Variants in GLCCI1 observed in about 807,000 individuals in gnomAD.
GLCCI1 encodes the protein glucocorticoid-induced transcript 1 protein.
Under a neutral mutation model 52.2 loss-of-function variants are expected in GLCCI1, and 24 were observed. The ratio of observed to expected loss-of-function variants is 0.46; its 90% CI spans 0.33 to 0.65. The LOEUF (loss-of-function observed/expected upper bound fraction) is 0.65, where lower values mean the gene tolerates loss of function less well. Among genes scored for constraint, GLCCI1 ranks in the 30% least tolerant of loss-of-function variants. The pLI is 0.02. For missense variants in GLCCI1, 704 were observed against 701.5 expected, an observed-to-expected ratio of 1.00 and a Z score of -0.04; for synonymous variants, 310 against 276.5, an observed-to-expected ratio of 1.12 and a Z score of -1.20.
chr7:8,050,830 A>G (rs956745523), intron 3 of GLCCI1, among the ~76,000 whole-genome samples: 2 of 152,202 alleles, frequency 1.3e-5, no homozygotes, highest in African/African-American at 4.8e-5. Context: ...ACTTTTAGCA[A>G]TATATTTTTT....
Position 8,037,254 on chromosome 7 carries a change from AAAAAG to A in GLCCI1, c.696+14690_696+14694del, listed in dbSNP as rs747156074. Among the ~76,000 whole-genome samples, 24 of 152,324 alleles carry A rather than the reference AAAAAG, an allele frequency of 1.6e-4. No individual in the cohort carries two copies. The South Asian group carries it at 1.7e-3, about 11-fold the overall frequency. The stretch of plus-strand genomic sequence containing the variant: ...TGCCTAATTTCAGACTTCTTAAAAG[AAAAAG>A]AAAACTGTCAGCCACGAATTTTGTA... On this transcript the variant is annotated intron_variant, in intron 3 of 7. Coordinates refer to ENST00000223145, the MANE Select transcript of GLCCI1 (RefSeq NM_138426.4).
chr7:7,998,111 T>C (rs1053472254), intron 1 of GLCCI1, among the ~76,000 whole-genome samples: 1 of 151,818 alleles, frequency 6.6e-6, no homozygotes, highest in Admixed American at 6.6e-5. Context: ...TCTGGCACTT[T>C]CATTTTGTAA....
chr7:8,015,161 C>T lies in GLCCI1; in HGVS notation c.610-7322C>T, dbSNP rs1018253019. On this transcript the variant is annotated intron_variant, in intron 2 of 7. Transcript: ENST00000223145. ...AAACATATATATTCTTTTCTGTTGA[C>T]GTCATATTTAAAGTACCTAGCCTTT... 2.6e-5 allele frequency among the ~76,000 whole-genome samples: 4 copies of T among 152,328 alleles called. 1 individual carries two copies. In the Middle Eastern group the frequency reaches 0.01, roughly 389 times the overall value.
At chr7:7,997,920 CTG>C (rs1780967535) in intron 1 of GLCCI1, among the ~76,000 whole-genome samples, 1 of 139,492 alleles carries the variant, frequency 7.2e-6, no homozygotes, top group Non-Finnish European at 1.5e-5. Flanking sequence ...GAGTGAGACT[CTG>C]TCTCAAATAA....
chr7:8,050,976 G>A (rs762761240), intron 3 of GLCCI1, among the ~76,000 whole-genome samples: 7 of 152,106 alleles, frequency 4.6e-5, no homozygotes, highest in Non-Finnish European at 1.0e-4. Flanking sequence ...CTAGTACTCA[G>A]TAAATAATTA....
At chr7:8,002,811 A>G (rs1446121303) in intron 1 of GLCCI1, among the ~76,000 whole-genome samples, 2 of 152,234 alleles carry the variant, frequency 1.3e-5, no homozygotes, top group Non-Finnish European at 2.9e-5. Flanking sequence ...AGAATCCTCT[A>G]TAGTTATCTG....
intron 1 of GLCCI1, among the ~76,000 whole-genome samples, chr7:7,993,887 A>C (rs17566854): frequency 0.037 from 5,602 of 152,310 alleles, 145 homozygotes; most frequent in Non-Finnish European, 0.057. Context: ...TCATAAGTCC[A>C]AATGCTTCTT....
intron 1 of GLCCI1, among the ~76,000 whole-genome samples, chr7:7,990,294 G>A (rs1407152085): frequency 6.6e-6 from 1 of 152,068 alleles, no homozygotes; most frequent in Non-Finnish European, 1.5e-5. Context: ...ATTAAATACA[G>A]TAAACACTAA....
At chr7:8,034,517 A>G (rs1781823512) in intron 3 of GLCCI1, among the ~76,000 whole-genome samples, 1 of 152,314 alleles carries the variant, frequency 6.6e-6, no homozygotes. Context: ...TTACAAATCA[A>G]TAAGAAGATA....
chr7:8,054,149 C>T (rs1370701436), intron 3 of GLCCI1, among the ~76,000 whole-genome samples: 2 of 151,960 alleles, frequency 1.3e-5, no homozygotes, highest in African/African-American at 4.8e-5. Context: ...ATACCTCTGT[C>T]CTGATTAAAT....
intron 2 of GLCCI1, among the ~76,000 whole-genome samples, chr7:8,021,954 A>G (rs776794981): frequency 5.3e-5 from 8 of 152,122 alleles, no homozygotes; most frequent in Non-Finnish European, 1.0e-4. Flanking sequence ...CACTTTTATA[A>G]TAACTTTATG....
At chr7:8,025,249 A>G (rs189152027) in intron 3 of GLCCI1, among the ~76,000 whole-genome samples, 7 of 152,266 alleles carry the variant, frequency 4.6e-5, no homozygotes, top group Non-Finnish European at 7.4e-5. Context: ...CAAGTGGGCT[A>G]CTGGAAATAA....
intron 1 of GLCCI1, among the ~76,000 whole-genome samples, chr7:7,972,291 C>T (rs937715536): frequency 1.3e-5 from 2 of 152,124 alleles, no homozygotes; most frequent in Non-Finnish European, 2.9e-5. Context: ...CCTCTGCTCT[C>T]CACCTCCTCC....
In GLCCI1 at chr7:8,086,379, G is replaced by C; in HGVS notation, c.1485G>C (p.Glu495Asp). The change falls in exon 8 of 8, where the codon GAG becomes GAC. Residue 495 changes from glutamate to aspartate, a missense_variant. Physicochemically the swap from Glu to Asp is conservative, Grantham distance 45. Coordinates refer to ENST00000223145, the MANE Select transcript of GLCCI1 (RefSeq NM_138426.4). The surrounding 1 kb of genome is among the most constrained non-coding windows in gnomAD (Gnocchi z 4.4). ...QSSALATLTVEQLSSRVSFTS... is the reference protein window; with the variant it reads ...QSSALATLTVDQLSSRVSFTS... ...CAGCTTTGGCAACTCTGACCGTTGA[G>C]CAGCTCTCATCCCGGGTTTCCTTTA... 1.2e-6 allele frequency: 2 copies of C among 1,614,130 alleles called. No individual in the cohort carries two copies. The highest frequency in any genetic ancestry group is 1.3e-5 in the African/African-American group (1 of 75,018).
intron 6 of GLCCI1, 87 bp downstream of exon 6, chr7:8,071,218 CT>C: frequency 9.8e-7 from 1 of 1,024,208 alleles, no homozygotes; most frequent in Non-Finnish European, 1.4e-6. Flanking sequence ...TTTTTTTTTT[CT>C]TTTGTTCAAT....
intron 3 of GLCCI1, among the ~76,000 whole-genome samples, chr7:8,027,393 C>T (rs868706418): frequency 5.3e-5 from 8 of 152,012 alleles, no homozygotes; most frequent in South Asian, 2.1e-4. Context: ...GAGGCTGAGG[C>T]GCAAGAATCG....
chr7:7,982,075 C>A (rs1160869342), intron 1 of GLCCI1: 6 of 468,088 alleles, frequency 1.3e-5, no homozygotes, highest in Non-Finnish European at 2.6e-5. Context: ...GAACTCAGAA[C>A]TGAAGTCGTA....
chr7:8,071,170 G>A, intron 6 of GLCCI1, 39 bp downstream of exon 6: 1 of 1,521,282 alleles, frequency 6.6e-7, no homozygotes, highest in Non-Finnish European at 9.1e-7. Context: ...TTTGTTATGG[G>A]CCTTGCTCAT....
In GLCCI1 at chr7:7,969,074, G is replaced by A. The variant is rs1293526688; in HGVS notation, c.-277G>A. On this transcript the variant is annotated 5_prime_UTR_variant, in exon 1 of 8. Coordinates refer to ENST00000223145, the MANE Select transcript of GLCCI1 (RefSeq NM_138426.4). This position sits in a 1 kb window ranked among gnomAD's most constrained non-coding sequence, Gnocchi z 4.9. The stretch of plus-strand genomic sequence containing the variant: ...GGAGCGGTGGCGGCGGCGGCTCCGG[G>A]CTCCTTGCGGCCCCGGCCGTGACCG... 1 of 181,616 alleles carries A rather than the reference G, an allele frequency of 5.5e-6. No homozygotes were observed. Among genetic ancestry groups the A allele is most frequent in the South Asian group, 1.6e-4 (1 of 6,382 alleles). 11.3% of individuals were successfully genotyped at this position (181,616 alleles called of 1,614,324 possible). A position where few individuals can be genotyped will look rare whatever the true frequency, so the allele number is the denominator to read the frequency against.
Sources: gnomAD v4.1 joint callset for allele counts (sites outside exome capture counted in the v4.1 genomes callset) on GRCh38, gnomAD v4.1.1 for gene constraint, Gnocchi (gnomAD v3.1) non-coding constraint, MANE v1.5 for transcripts, NCBI Gene and HGNC (gene_info 2026-07-23, HGNC 2026-07-21) for gene names.